The following TMTC1 variants were observed in gnomAD, a reference collection of about 807,000 sequenced individuals.
TMTC1 encodes transmembrane O-mannosyltransferase targeting cadherins 1, also known as protein O-mannosyl-transferase TMTC1.
In TMTC1, 73 loss-of-function variants were observed where a neutral mutation model predicts 104.8. The observed-to-expected ratio is 0.70, with a 90% CI of 0.58 to 0.85. TMTC1 has a LOEUF of 0.85. TMTC1 is among the 40% of genes least tolerant of loss of function. The pLI, the probability that TMTC1 is intolerant of heterozygous loss-of-function variation, is 0.00. For synonymous variants in TMTC1, 434 were observed against 428.7 expected (o/e 1.01, Z -0.15); for missense variants, 1,035 against 1,096.1 (o/e 0.94, Z 0.79).
At chr12:29,519,386 C>T (rs1944084656) in intron 12 of TMTC1, 1 of 152,148 alleles carries the variant, frequency 6.6e-6, no homozygotes, top group African/African-American at 2.4e-5. Context: ...TGATAAAGAT[C>T]CCAAGGCAAG....
chr12:29,725,929 T>C (rs1942376806), intron 5 of TMTC1, among the ~76,000 whole-genome samples: 3 of 152,230 alleles, frequency 2.0e-5, no homozygotes. Flanking sequence ...AGAAGTACAT[T>C]CTAATCCTAA....
At chr12:29,582,365 G>C (rs180792524) in intron 8 of TMTC1, among the ~76,000 whole-genome samples, 1 of 152,206 alleles carries the variant, frequency 6.6e-6, no homozygotes, top group Non-Finnish European at 1.5e-5. Context: ...GCCTGCCCTA[G>C]CTCCCTCCAT....
chr12:29,714,951 TTC>T (rs1942036338), intron 5 of TMTC1, among the ~76,000 whole-genome samples: 1 of 152,246 alleles, frequency 6.6e-6, no homozygotes, highest in Non-Finnish European at 1.5e-5. Flanking sequence ...TGTTTCCACC[TTC>T]TCTTTCACAT....
At chr12:29,641,150 C>A (rs889875671) in intron 5 of TMTC1, 1 of 152,288 alleles carries the variant, frequency 6.6e-6, no homozygotes, top group South Asian at 2.1e-4. Context: ...TGGTCCTTCC[C>A]TACCCATCCT....
intron 8 of TMTC1, among the ~76,000 whole-genome samples, chr12:29,576,150 A>C (rs1457482300): frequency 6.6e-6 from 1 of 152,004 alleles, no homozygotes; most frequent in Non-Finnish European, 1.5e-5. Flanking sequence ...TTGGATATTA[A>C]CCCCTTATTG....
At chr12:29,641,585 GAAC>G (rs1565731254) in intron 5 of TMTC1, among the ~76,000 whole-genome samples, 3 of 152,112 alleles carry the variant, frequency 2.0e-5, no homozygotes. Context: ...AAAAGAATCT[GAAC>G]AACAGCCTTC....
At chr12:29,653,038 G>C (rs1186612817) in intron 5 of TMTC1, among the ~76,000 whole-genome samples, 1 of 151,730 alleles carries the variant, frequency 6.6e-6, no homozygotes, top group Non-Finnish European at 1.5e-5. Flanking sequence ...CTCCAGTCTG[G>C]GTGACAGAGT....
chr12:29,699,932 A>G (rs1941538138), intron 5 of TMTC1, among the ~76,000 whole-genome samples: 1 of 152,082 alleles, frequency 6.6e-6, no homozygotes, highest in Non-Finnish European at 1.5e-5. Flanking sequence ...ATAAGCCACC[A>G]TGCCTTGCCA....
intron 5 of TMTC1, among the ~76,000 whole-genome samples, chr12:29,644,922 T>C (rs990614297): frequency 2.0e-5 from 3 of 152,128 alleles, no homozygotes; most frequent in Non-Finnish European, 4.4e-5. Flanking sequence ...ACACCACTCA[T>C]TGTGACAAGC....
intron 5 of TMTC1, among the ~76,000 whole-genome samples, chr12:29,691,890 G>A (rs1014211700): frequency 1.4e-5 from 2 of 144,300 alleles, no homozygotes; most frequent in African/African-American, 5.1e-5. Flanking sequence ...GTGTCCAGAG[G>A]GTCGCACATC....
rs576095754 is a variant in TMTC1, at chr12:29,664,232, T to A, written c.939-30896A>T. 4.0e-3 allele frequency among the ~76,000 whole-genome samples: 594 copies of A among 149,556 alleles called. 2 individuals are homozygous for A. The highest frequency in any genetic ancestry group is 5.8e-3 in the African/African-American group (237 of 41,028). On this transcript the variant is annotated intron_variant, in intron 5 of 17. Transcript: ENST00000539277. The stretch of plus-strand genomic sequence containing the variant: ...TAAAAAAATAAAAAAATAAAAAAAA[T>A]AAAATAAAATAAAATGTAGCATCCC...
At chr12:29,613,173 A>G (rs1056240911) in intron 6 of TMTC1, among the ~76,000 whole-genome samples, 1 of 152,244 alleles carries the variant, frequency 6.6e-6, no homozygotes, top group Non-Finnish European at 1.5e-5. Context: ...TTGGAAAATC[A>G]GAAGAGTGAT....
chr12:29,556,363 T>C (rs1295426483), intron 10 of TMTC1, among the ~76,000 whole-genome samples: 2 of 152,252 alleles, frequency 1.3e-5, no homozygotes, highest in Non-Finnish European at 2.9e-5. Flanking sequence ...GGTAGAAGTA[T>C]GGTTAACCAT....
chr12:29,761,608 A>C (rs976664006), intron 2 of TMTC1, among the ~76,000 whole-genome samples: 10 of 151,732 alleles, frequency 6.6e-5, no homozygotes, highest in Non-Finnish European at 1.3e-4. Context: ...AAGAAATAAG[A>C]GAGTCAAGGG....
chr12:29,514,631 A>T (rs749039483), intron 15 of TMTC1, 27 bp from the exon 16 acceptor site: 2 of 1,590,842 alleles, frequency 1.3e-6, no homozygotes, highest in Non-Finnish European at 1.7e-6. Context: ...TTAAGACAGA[A>T]TAAATGCAGA....
At chr12:29,681,990 T>A (rs1024717351) in intron 5 of TMTC1, among the ~76,000 whole-genome samples, 4 of 152,290 alleles carry the variant, frequency 2.6e-5, no homozygotes, top group African/African-American at 9.6e-5. Context: ...AAAACAGTGT[T>A]TTTTAAGGAT....
chr12:29,750,324 C>T (rs558005295), intron 5 of TMTC1, among the ~76,000 whole-genome samples: 1 of 152,246 alleles, frequency 6.6e-6, no homozygotes, highest in East Asian at 1.9e-4. Flanking sequence ...ACCCAAATGC[C>T]CCCAGGCTAA....
At chr12:29,651,001 A>G (rs1939493289) in intron 5 of TMTC1, among the ~76,000 whole-genome samples, 1 of 152,216 alleles carries the variant, frequency 6.6e-6, no homozygotes, top group Non-Finnish European at 1.5e-5. Context: ...AAAACTATGT[A>G]TTCATCCAGT....
At chr12:29,520,516 AG>A in intron 12 of TMTC1, 101 bp downstream of exon 12, 1 of 973,606 alleles carries the variant, frequency 1.0e-6, no homozygotes, top group Admixed American at 2.2e-5. Flanking sequence ...CTTCCTGCCA[AG>A]CCCAGTGAAT....
Sources: gnomAD v4.1 joint callset for allele counts (sites outside exome capture counted in the v4.1 genomes callset) on GRCh38, gnomAD v4.1.1 for gene constraint, MANE v1.5 for transcripts, NCBI Gene and HGNC (gene_info 2026-07-23, HGNC 2026-07-21) for gene names.